Variants in C8orf34 observed in about 807,000 individuals in gnomAD.
C8orf34 encodes the protein chromosome 8 open reading frame 34, also known as uncharacterized protein C8orf34.
Under a neutral mutation model 68.3 loss-of-function variants are expected in C8orf34, and 65 were observed. That is an observed-to-expected ratio of 0.95 (90% CI 0.78 to 1.17). C8orf34 has a LOEUF of 1.17. Ranked by LOEUF, C8orf34 falls within the 50% of genes most tolerant of loss-of-function variation. The pLI is 0.00. For synonymous variants in C8orf34, 244 were observed against 241.2 expected, an observed-to-expected ratio of 1.01 and a Z score of -0.11; for missense variants, 664 against 655.4, an observed-to-expected ratio of 1.01 and a Z score of -0.14.
chr8:68,577,068 G>A (rs535873092), intron 7 of C8orf34, among the ~76,000 whole-genome samples: 2 of 151,734 alleles, frequency 1.3e-5, no homozygotes, highest in South Asian at 2.1e-4. Context: ...TGCTTTTTTC[G>A]ATCAGCAATA....
chr8:68,633,661 C>G (rs929289050), intron 7 of C8orf34, among the ~76,000 whole-genome samples: 2 of 152,058 alleles, frequency 1.3e-5, no homozygotes, highest in African/African-American at 4.8e-5. Context: ...TATCTACTTG[C>G]AACCAAAGAT....
At chr8:68,765,871 C>T (rs1357028047) in intron 10 of C8orf34, among the ~76,000 whole-genome samples, 1 of 152,156 alleles carries the variant, frequency 6.6e-6, no homozygotes, top group African/African-American at 2.4e-5. Context: ...TTTAAATGCA[C>T]TTCTCTATTA....
At chr8:68,691,310 G>A (rs1820678980) in intron 8 of C8orf34, among the ~76,000 whole-genome samples, 2 of 152,020 alleles carry the variant, frequency 1.3e-5, no homozygotes, top group South Asian at 2.1e-4. Context: ...TAGTAATAAA[G>A]TATTTGAATT....
At chr8:68,380,857 G>A (rs772637390) in intron 1 of C8orf34, among the ~76,000 whole-genome samples, 2 of 152,184 alleles carry the variant, frequency 1.3e-5, no homozygotes, top group African/African-American at 2.4e-5. Context: ...ATGTATCTCA[G>A]AAGATTGTTT....
At position 68,796,317 on chromosome 8, in the gene C8orf34, C is replaced by A. The variant is rs375158544; in HGVS notation, c.1549+8781C>A. On this transcript the variant is annotated intron_variant, in intron 12 of 13. Coordinates refer to ENST00000518698, the MANE Select transcript of C8orf34 (RefSeq NM_052958.4). ...CATTGTTCTTATTGCTTTTCAGGAG[C>A]CCCTGATTTTTGGAGATTCCTATAC... Among the ~76,000 whole-genome samples the A allele has an allele frequency of 4.6e-5, 7 of 152,194 alleles. No homozygotes were observed. The South Asian group carries it at 1.2e-3, about 27-fold the overall frequency.
At chr8:68,672,970 C>A (rs1820062421) in intron 8 of C8orf34, among the ~76,000 whole-genome samples, 1 of 147,934 alleles carries the variant, frequency 6.8e-6, no homozygotes, top group African/African-American at 2.5e-5. Context: ...GGTTTTGAGG[C>A]CCCCATTCCA....
chr8:68,753,913 G>A (rs1822775845), intron 10 of C8orf34, among the ~76,000 whole-genome samples: 1 of 152,126 alleles, frequency 6.6e-6, no homozygotes, highest in African/African-American at 2.4e-5. Context: ...CAGGAATAGA[G>A]TCACAGTCAT....
chr8:68,799,731 T>C (rs1233411407), intron 12 of C8orf34, among the ~76,000 whole-genome samples: 1 of 152,162 alleles, frequency 6.6e-6, no homozygotes. Flanking sequence ...GAGAAGTCCA[T>C]AAGCATCTGA....
At chr8:68,355,011 G>T (rs1180410601) in intron 1 of C8orf34, among the ~76,000 whole-genome samples, 2 of 151,872 alleles carry the variant, frequency 1.3e-5, no homozygotes, top group Admixed American at 1.3e-4. Context: ...AATAGAACCA[G>T]TTAGCAAATA....
chr8:68,330,829 G>C (rs1312160555), upstream of C8orf34: 1 of 521,498 alleles, frequency 1.9e-6, no homozygotes. Context: ...ACACACACCG[G>C]TGGCGAGTTC....
Position 68,465,879 on chromosome 8 carries a change from C to G in C8orf34, c.608-2813C>G, listed in dbSNP as rs987829345. ...TGACGAGTTAATGGGTGCAGCACAC[C>G]AACATGGCACATGTATACATATGTA... On this transcript the variant is annotated intron_variant, in intron 3 of 13. Coordinates refer to ENST00000518698, the MANE Select transcript of C8orf34 (RefSeq NM_052958.4). Among the ~76,000 whole-genome samples, 65 of 151,502 alleles carry G rather than the reference C, an allele frequency of 4.3e-4. 1 individual carries two copies. The highest frequency in any genetic ancestry group is 2.5e-3 in the South Asian group (12 of 4,792).
In C8orf34 at chr8:68,705,822, G is replaced by A. The variant is rs367815063; in HGVS notation, c.1242-3172G>A. 1.1e-4 allele frequency among the ~76,000 whole-genome samples: 17 copies of A among 152,242 alleles called. No homozygotes were observed. In the East Asian group the frequency reaches 2.9e-3, roughly 26 times the overall value. On this transcript the variant is annotated intron_variant, in intron 8 of 13. Coordinates refer to ENST00000518698, the MANE Select transcript of C8orf34 (RefSeq NM_052958.4). ...AAAAAAACAGAAAAAATACTGGTTG[G>A]GGGGTGATAGTGGATAAAATAGGTT...
Position 68,452,386 on chromosome 8 carries a change from A to G in C8orf34, c.607+5926A>G, listed in dbSNP as rs150347296. On this transcript the variant is annotated intron_variant, in intron 3 of 13. Coordinates refer to ENST00000518698, the MANE Select transcript of C8orf34 (RefSeq NM_052958.4). ...TTACTAGCAATATACAAGGGTTTCA[A>G]TTCTTCATGTATTTACCAAATCTTG... Among the ~76,000 whole-genome samples, 326 of 151,616 alleles carry G rather than the reference A, an allele frequency of 2.2e-3. 1 individual carries two copies. Among genetic ancestry groups the G allele is most frequent in the African/African-American group, 7.1e-3 (293 of 41,384 alleles).
chr8:68,706,025 G>T (rs928266113), intron 8 of C8orf34, among the ~76,000 whole-genome samples: 1 of 152,170 alleles, frequency 6.6e-6, no homozygotes, highest in Non-Finnish European at 1.5e-5. Flanking sequence ...TTACATAATT[G>T]TTCTGGGTGA....
intron 7 of C8orf34, among the ~76,000 whole-genome samples, chr8:68,606,623 T>C (rs1250509248): frequency 6.6e-6 from 1 of 152,068 alleles, no homozygotes; most frequent in Non-Finnish European, 1.5e-5. Flanking sequence ...TCCAATAAAT[T>C]TGTAGCTAAA....
At chr8:68,735,426 T>C (rs1049312829) in intron 10 of C8orf34, among the ~76,000 whole-genome samples, 5 of 152,244 alleles carry the variant, frequency 3.3e-5, no homozygotes, top group Non-Finnish European at 4.4e-5. Context: ...TGTTTTGTCT[T>C]TTCTAGTAAG....
At chr8:68,632,229 G>A (rs765083784) in intron 7 of C8orf34, among the ~76,000 whole-genome samples, 7 of 152,138 alleles carry the variant, frequency 4.6e-5, no homozygotes, top group Admixed American at 4.6e-4. Context: ...GGTCACTCTT[G>A]TTATATCTTA....
intron 10 of C8orf34, among the ~76,000 whole-genome samples, chr8:68,760,156 G>A (rs879009859): frequency 5.3e-5 from 8 of 152,152 alleles, no homozygotes; most frequent in Admixed American, 1.3e-4. Context: ...CAACACAGGC[G>A]GAGGACAGCC....
chr8:68,507,581 C>A (rs942073062), intron 5 of C8orf34, among the ~76,000 whole-genome samples: 8 of 152,176 alleles, frequency 5.3e-5, no homozygotes, highest in African/African-American at 1.7e-4. Context: ...TTGTTCTCCG[C>A]AGCTCTTGGC....
Sources: gnomAD v4.1 joint callset for allele counts (sites outside exome capture counted in the v4.1 genomes callset) on GRCh38, gnomAD v4.1.1 for gene constraint, MANE v1.5 for transcripts, NCBI Gene and HGNC (gene_info 2026-07-23, HGNC 2026-07-21) for gene names.